Variants in WWOX observed in about 807,000 individuals in gnomAD.
WWOX encodes the protein WW domain containing oxidoreductase, also known as WW domain-containing oxidoreductase.
Under a neutral mutation model 46.2 loss-of-function variants are expected in WWOX, and 69 were observed. That is an observed-to-expected ratio of 1.49 (90% CI 1.23 to 1.82). WWOX has a LOEUF of 1.82. Ranked by LOEUF, WWOX falls within the 40% of genes most tolerant of loss-of-function variation. WWOX has a pLI of 0.00. For missense variants in WWOX, 919 were observed against 542.6 expected (o/e 1.69, Z -6.89); for synonymous variants, 359 against 202.6 (o/e 1.77, Z -6.56).
chr16:78,329,297 C>A (rs1281088178), intron 5 of WWOX, among the ~76,000 whole-genome samples: 1 of 152,180 alleles, frequency 6.6e-6, no homozygotes, highest in Non-Finnish European at 1.5e-5. Flanking sequence ...CCAGCCAGTT[C>A]TCCTCTGTGG....
intron 8 of WWOX, among the ~76,000 whole-genome samples, chr16:78,875,884 G>A (rs1158229291): frequency 1.3e-5 from 2 of 152,178 alleles, no homozygotes; most frequent in East Asian, 3.9e-4. Flanking sequence ...TTGCTTAGTA[G>A]AAACTTGTTC....
chr16:78,785,837 T>G (rs1189542522), intron 8 of WWOX, among the ~76,000 whole-genome samples: 2 of 152,206 alleles, frequency 1.3e-5, no homozygotes, highest in Non-Finnish European at 2.9e-5. Flanking sequence ...TTCTTCAATT[T>G]TTTTCTGCTA....
intron 8 of WWOX, among the ~76,000 whole-genome samples, chr16:78,656,106 A>G (rs1213951392): frequency 1.3e-5 from 2 of 152,304 alleles, no homozygotes; most frequent in Admixed American, 1.3e-4. Context: ...GGGATGGGGA[A>G]GAATCAAAAT....
chr16:78,959,503 C>A (rs115381553), intron 8 of WWOX, among the ~76,000 whole-genome samples: 1 of 152,218 alleles, frequency 6.6e-6, no homozygotes, highest in Non-Finnish European at 1.5e-5. Flanking sequence ...GTCCATCCAT[C>A]TATTCACTCA....
In WWOX at chr16:78,809,739, C is replaced by T. The variant is rs189408144; in HGVS notation, c.1056+376987C>T. Among the ~76,000 whole-genome samples the T allele has an allele frequency of 3.3e-5, 5 of 152,124 alleles. No individual in the cohort carries two copies. The East Asian group carries it at 9.6e-4, about 29-fold the overall frequency. On this transcript the variant is annotated intron_variant, in intron 8 of 8. Coordinates refer to ENST00000566780, the MANE Select transcript of WWOX (RefSeq NM_016373.4). ...TTGTTTGACCCTGTGGTTGTCATGA[C>T]AATTTCTCAAAGCTTAGCTGGGACA... is the stretch of plus-strand genomic sequence containing the variant.
chr16:78,337,820 T>G (rs1254123981), intron 5 of WWOX, among the ~76,000 whole-genome samples: 1 of 59,450 alleles, frequency 1.7e-5, no homozygotes, highest in African/African-American at 5.0e-5. Flanking sequence ...CTATCCTATT[T>G]CCCTTTTGTT....
chr16:79,196,992 G>T (rs1482052890), intron 8 of WWOX, among the ~76,000 whole-genome samples: 1 of 152,192 alleles, frequency 6.6e-6, no homozygotes, highest in Non-Finnish European at 1.5e-5. Context: ...AGGTGCTGCA[G>T]TATTAACTGA....
At chr16:78,620,817 T>C (rs1204248507) in intron 8 of WWOX, among the ~76,000 whole-genome samples, 2 of 152,220 alleles carry the variant, frequency 1.3e-5, no homozygotes, top group African/African-American at 2.4e-5. Flanking sequence ...AGACATACTT[T>C]TGGATATGGA....
chr16:78,360,168 C>CT (rs1219877142), intron 5 of WWOX, among the ~76,000 whole-genome samples: 2 of 152,178 alleles, frequency 1.3e-5, no homozygotes, highest in African/African-American at 4.8e-5. Context: ...ATCAATATTA[C>CT]TTTCTAAAAG....
At chr16:78,473,842 T>C (rs1256598280) in intron 8 of WWOX, among the ~76,000 whole-genome samples, 2 of 152,156 alleles carry the variant, frequency 1.3e-5, no homozygotes, top group African/African-American at 4.8e-5. Flanking sequence ...TTGCATGGTG[T>C]AGCATGCCTA....
chr16:79,031,828 A>G (rs2047762038), intron 8 of WWOX, among the ~76,000 whole-genome samples: 1 of 111,226 alleles, frequency 9.0e-6, no homozygotes, highest in African/African-American at 2.8e-5. Context: ...TAATCTATAT[A>G]TGATATATAT....
At chr16:78,747,255 G>C (rs571801170) in intron 8 of WWOX, among the ~76,000 whole-genome samples, 1 of 147,520 alleles carries the variant, frequency 6.8e-6, no homozygotes, top group South Asian at 2.2e-4. Flanking sequence ...GCAGTAGCAC[G>C]ATCTCGGCTC....
intron 8 of WWOX, among the ~76,000 whole-genome samples, chr16:78,434,846 G>A (rs1370581283): frequency 6.6e-6 from 1 of 152,126 alleles, no homozygotes; most frequent in African/African-American, 2.4e-5. Flanking sequence ...AGTGGAAACT[G>A]TTATTCTGTG....
intron 8 of WWOX, among the ~76,000 whole-genome samples, chr16:78,618,323 C>T (rs562379152): frequency 2.6e-5 from 4 of 152,298 alleles, no homozygotes; most frequent in East Asian, 3.9e-4. Flanking sequence ...GCTTAAACAA[C>T]AGGAATGTAG....
At chr16:78,259,215 A>G (rs2038214440) in intron 5 of WWOX, among the ~76,000 whole-genome samples, 1 of 152,260 alleles carries the variant, frequency 6.6e-6, no homozygotes, top group African/African-American at 2.4e-5. Flanking sequence ...TAATGGGACA[A>G]TTGGCAAAAC....
intron 8 of WWOX, among the ~76,000 whole-genome samples, chr16:78,681,895 G>C (rs2738623): frequency 0.62 from 94,922 of 152,026 alleles, 29,812 homozygotes; most frequent in Middle Eastern, 0.68. Flanking sequence ...GCCCCACCCC[G>C]CAGAGCCCCT....
At chr16:78,894,450 C>G (rs971741061) in intron 8 of WWOX, among the ~76,000 whole-genome samples, 13 of 151,996 alleles carry the variant, frequency 8.6e-5, no homozygotes, top group Non-Finnish European at 1.8e-4. Context: ...TATTTTTTGT[C>G]TAAATTATTG....
intron 5 of WWOX, among the ~76,000 whole-genome samples, chr16:78,383,620 C>T (rs1268221619): frequency 2.6e-5 from 4 of 152,160 alleles, no homozygotes; most frequent in African/African-American, 9.7e-5. Context: ...TATAAAGTTA[C>T]TAAGTTTGTT....
At chr16:78,569,565 A>T (rs1468739110) in intron 8 of WWOX, among the ~76,000 whole-genome samples, 1 of 152,214 alleles carries the variant, frequency 6.6e-6, no homozygotes, top group African/African-American at 2.4e-5. Flanking sequence ...TGAAATTTAC[A>T]CCTTTTCAAA....
Sources: allele counts gnomAD v4.1 joint callset (sites outside exome capture counted in the v4.1 genomes callset), GRCh38; gene constraint gnomAD v4.1.1; transcripts MANE v1.5; gene names NCBI Gene and HGNC (gene_info 2026-07-23, HGNC 2026-07-21).